Variants in CCNH observed in about 807,000 individuals in gnomAD.
CCNH encodes the protein cyclin-H.
CCNH carries 31 observed loss-of-function variants against 41.9 expected under a neutral mutation model. The ratio of observed to expected loss-of-function variants is 0.74; its 90% CI spans 0.56 to 1.00. The LOEUF (loss-of-function observed/expected upper bound fraction) is 1.00. Among genes scored for constraint, CCNH ranks in the 50% least tolerant of loss-of-function variants. The pLI, the probability that CCNH is intolerant of heterozygous loss-of-function variation, is 0.00. For missense variants in CCNH, 362 were observed against 388.4 expected, an observed-to-expected ratio of 0.93 and a Z score of 0.57; for synonymous variants, 138 against 136.1, an observed-to-expected ratio of 1.01 and a Z score of -0.10.
At chr5:87,374,869 A>C (rs1761216172), downstream of CCNH, 1 of 1,609,650 alleles carries the variant, frequency 6.2e-7, no homozygotes, top group African/African-American at 1.3e-5. Flanking sequence ...AATAGATTTG[A>C]AATAACTCTT....
chr5:87,312,583 C>T, the CCNH span, among the ~76,000 whole-genome samples: 1 of 152,124 alleles, frequency 6.6e-6, no homozygotes, highest in South Asian at 2.1e-4. Context: ...GAGACCTTTT[C>T]GCTGGGTCTC....
intron 9 of CCNH, among the ~76,000 whole-genome samples, chr5:87,359,126 A>T (rs559416294): frequency 6.6e-6 from 1 of 152,336 alleles, no homozygotes; most frequent in South Asian, 2.1e-4. Context: ...TATCTCAAGA[A>T]CTACAACAGT....
chr5:87,412,505 C>G, intron 1 of CCNH, 173 bp downstream of exon 1: 1 of 1,435,042 alleles, frequency 7.0e-7, no homozygotes. Flanking sequence ...CGTTGTTCGT[C>G]TTTGTACCCA....
chr5:87,393,889 A>AATCAT (rs1762708909), downstream of CCNH: 1 of 152,280 alleles, frequency 6.6e-6, no homozygotes. Context: ...AGCTATTCAA[A>AATCAT]ATCATATATC....
chr5:87,318,717 T>G (rs888777287), exon 10 of CCNH: 1 of 152,156 alleles, frequency 6.6e-6, no homozygotes, highest in Non-Finnish European at 1.5e-5. Context: ...GAGATTTGGA[T>G]GGGGGTACAG....
At chr5:87,376,245 TA>T, downstream of CCNH, 1 of 889,612 alleles carries the variant, frequency 1.1e-6, no homozygotes, top group Non-Finnish European at 1.8e-6. Flanking sequence ...AATAAACAAC[TA>T]AATATTGAAT....
At chr5:87,338,089 G>T in intron 9 of CCNH, 1 of 1,612,134 alleles carries the variant, frequency 6.2e-7, no homozygotes, top group Non-Finnish European at 8.5e-7. Flanking sequence ...AGTAGAAGAG[G>T]TGGTAAGTTT....
At chr5:87,369,956 T>C in intron 9 of CCNH, 1 of 1,378,066 alleles carries the variant, frequency 7.3e-7, no homozygotes, top group Admixed American at 1.7e-5. Flanking sequence ...CATGTTTTCT[T>C]ATTAACTGGA....
upstream of CCNH, chr5:87,378,413 T>C: frequency 6.2e-7 from 1 of 1,613,164 alleles, no homozygotes. Context: ...CACTACCCTA[T>C]TTCGAGCCAC....
At chr5:87,375,508 G>GTCAGGTGATCCTGA (rs1761265958), downstream of CCNH, among the ~76,000 whole-genome samples, 1 of 152,108 alleles carries the variant, frequency 6.6e-6, no homozygotes, top group African/African-American at 2.4e-5. Context: ...TGATCTGCCG[G>GTCAGGTGATCCTGA]CCTCGGCCTC....
chr5:87,376,623 T>TCCC, exon 1 of CCNH: 3 of 1,554,636 alleles, frequency 1.9e-6, no homozygotes, highest in Non-Finnish European at 2.7e-6. Flanking sequence ...ATTTAACATT[T>TCCC]AATAAAAGAT....
At chr5:87,332,123 T>C (rs1248847798) in intron 9 of CCNH, among the ~76,000 whole-genome samples, 2 of 152,124 alleles carry the variant, frequency 1.3e-5, no homozygotes, top group Admixed American at 1.3e-4. Flanking sequence ...TGTGAAATTA[T>C]TACTGTACTT....
exon 1 of CCNH, chr5:87,376,438 C>A: frequency 1.2e-6 from 2 of 1,613,970 alleles, no homozygotes; most frequent in Non-Finnish European, 1.7e-6. Context: ...GGGCATGCCA[C>A]AGATGAATGG....
At chr5:87,336,768 G>A (rs763186257) in intron 9 of CCNH, among the ~76,000 whole-genome samples, 2 of 151,990 alleles carry the variant, frequency 1.3e-5, no homozygotes, top group Non-Finnish European at 2.9e-5. Context: ...GCTTATTTAG[G>A]TGGTTCTAGA....
downstream of CCNH, among the ~76,000 whole-genome samples, chr5:87,372,448 C>T (rs1024346190): frequency 6.6e-6 from 1 of 152,110 alleles, no homozygotes; most frequent in Non-Finnish European, 1.5e-5. Context: ...ACAGCAGAAA[C>T]GGTTCTGTTG....
chr5:87,376,971 A>G (rs1761370623), exon 1 of CCNH: 2 of 1,613,064 alleles, frequency 1.2e-6, no homozygotes, highest in Non-Finnish European at 1.7e-6. Context: ...CCTACTGAGG[A>G]TTTTTCTTCA....
At chr5:87,366,819 C>G (rs545625821) in intron 9 of CCNH, among the ~76,000 whole-genome samples, 109 of 152,278 alleles carry the variant, frequency 7.2e-4, no homozygotes, top group Non-Finnish European at 1.4e-3. Flanking sequence ...ATCGCTTAAG[C>G]TCAGGGGTTG....
At chr5:87,394,251 T>G, downstream of CCNH, 1 of 1,264,122 alleles carries the variant, frequency 7.9e-7, no homozygotes, top group South Asian at 3.0e-5. Flanking sequence ...AATAAGAATA[T>G]TCAAAACAGG....
At chr5:87,369,818 A>G (rs1760798975) in intron 9 of CCNH, 1 of 1,610,550 alleles carries the variant, frequency 6.2e-7, no homozygotes, top group African/African-American at 1.3e-5. Flanking sequence ...TAAAGGCCAA[A>G]CTGTTTTCAG....
Sources: allele counts gnomAD v4.1 joint callset (sites outside exome capture counted in the v4.1 genomes callset), GRCh38; gene constraint gnomAD v4.1.1; transcripts MANE v1.5; gene names NCBI Gene and HGNC (gene_info 2026-07-23, HGNC 2026-07-21).